Variants in CNTNAP2 observed in about 807,000 individuals in gnomAD.
The protein encoded by CNTNAP2 is contactin associated protein 2.
A neutral mutation model predicts 155.2 loss-of-function variants in CNTNAP2; 98 were observed. That is an observed-to-expected ratio of 0.63 (90% CI 0.54 to 0.75). The LOEUF is 0.75. Among genes scored for constraint, CNTNAP2 ranks in the 30% least tolerant of loss-of-function variants. The probability of loss-of-function intolerance (pLI) is 0.00; values close to 1 mark genes in which losing one functional copy is unlikely to be tolerated. For synonymous variants in CNTNAP2, 651 were observed against 631.2 expected (o/e 1.03, Z -0.47); for missense variants, 1,727 against 1,688.1 (o/e 1.02, Z -0.40).
intron 1 of CNTNAP2, among the ~76,000 whole-genome samples, chr7:146,334,912 A>G (rs1284099874): frequency 6.6e-6 from 1 of 152,146 alleles, no homozygotes; most frequent in Non-Finnish European, 1.5e-5. Flanking sequence ...CACCCCTTCC[A>G]TGCAGGCAAA....
intron 2 of CNTNAP2, among the ~76,000 whole-genome samples, chr7:146,804,176 T>C (rs1370666981): frequency 6.6e-6 from 1 of 152,162 alleles, no homozygotes; most frequent in East Asian, 1.9e-4. Flanking sequence ...GAAGATAAGA[T>C]GCTCCCCTCC....
At chr7:146,641,117 G>A (rs1311109437) in intron 1 of CNTNAP2, among the ~76,000 whole-genome samples, 2 of 152,114 alleles carry the variant, frequency 1.3e-5, no homozygotes, top group Admixed American at 6.5e-5. Context: ...ACAAGGTCAG[G>A]AGATCGAGGC....
At chr7:147,868,880 G>A (rs548487377) in intron 13 of CNTNAP2, among the ~76,000 whole-genome samples, 47 of 152,276 alleles carry the variant, frequency 3.1e-4, no homozygotes, top group African/African-American at 8.4e-4. Context: ...AGTCTGTCAC[G>A]GCTTCCCTTG....
intron 1 of CNTNAP2, among the ~76,000 whole-genome samples, chr7:146,614,855 G>A (rs771916835): frequency 3.9e-5 from 6 of 152,066 alleles, no homozygotes; most frequent in East Asian, 1.9e-4. Context: ...TGTCATTACC[G>A]TATGGATACA....
intron 11 of CNTNAP2, among the ~76,000 whole-genome samples, chr7:147,552,689 C>T (rs1221471182): frequency 3.3e-5 from 5 of 151,878 alleles, no homozygotes. Flanking sequence ...CCACACTGTC[C>T]TTCAACAATG....
At chr7:146,757,517 T>C (rs1802013853) in intron 1 of CNTNAP2, among the ~76,000 whole-genome samples, 1 of 152,164 alleles carries the variant, frequency 6.6e-6, no homozygotes, top group African/African-American at 2.4e-5. Flanking sequence ...TTTCATGACA[T>C]TATAGAATCC....
chr7:147,384,835 AC>A (rs1453841875), intron 9 of CNTNAP2, among the ~76,000 whole-genome samples: 2 of 152,216 alleles, frequency 1.3e-5, no homozygotes, highest in Non-Finnish European at 2.9e-5. Flanking sequence ...CCACTACTGT[AC>A]CCTTCACCCA....
intron 22 of CNTNAP2, among the ~76,000 whole-genome samples, chr7:148,399,905 G>C (rs1172908300): frequency 6.6e-6 from 1 of 152,118 alleles, no homozygotes; most frequent in Non-Finnish European, 1.5e-5. Flanking sequence ...CTGAAGACCT[G>C]AGTCACCAAT....
chr7:146,587,459 T>G (rs116043268), intron 1 of CNTNAP2, among the ~76,000 whole-genome samples: 1 of 152,134 alleles, frequency 6.6e-6, no homozygotes, highest in African/African-American at 2.4e-5. Context: ...GGGCTGCAGC[T>G]TGGCTCTCAG....
At chr7:146,895,883 C>G (rs1047656883) in intron 3 of CNTNAP2, among the ~76,000 whole-genome samples, 2 of 152,030 alleles carry the variant, frequency 1.3e-5, no homozygotes, top group African/African-American at 2.4e-5. Flanking sequence ...GTGGTTGCAA[C>G]TATTCATATG....
At chr7:146,954,024 G>A (rs561085819) in intron 3 of CNTNAP2, among the ~76,000 whole-genome samples, 3 of 151,960 alleles carry the variant, frequency 2.0e-5, no homozygotes, top group African/African-American at 7.2e-5. Context: ...ACCATATAAC[G>A]TGGGTTATAA....
intron 13 of CNTNAP2, among the ~76,000 whole-genome samples, chr7:147,763,524 TA>T (rs1380594996): frequency 6.6e-6 from 1 of 151,578 alleles, no homozygotes; most frequent in East Asian, 1.9e-4. Flanking sequence ...AAAAGAAGAC[TA>T]AAGGTAGAAC....
chr7:147,526,082 C>G (rs1799312905), intron 11 of CNTNAP2, among the ~76,000 whole-genome samples: 2 of 151,238 alleles, frequency 1.3e-5, no homozygotes, highest in African/African-American at 2.4e-5. Context: ...ATCCCAGCTA[C>G]TCGAGAGGCT....
chr7:148,234,950 A>G (rs1353277519), intron 20 of CNTNAP2, among the ~76,000 whole-genome samples: 1 of 152,202 alleles, frequency 6.6e-6, no homozygotes, highest in African/African-American at 2.4e-5. Context: ...GCTTTCATCT[A>G]ACTAGAGGGC....
chr7:147,310,456 AC>A (rs1459941103), intron 9 of CNTNAP2, among the ~76,000 whole-genome samples: 1 of 152,188 alleles, frequency 6.6e-6, no homozygotes, highest in Non-Finnish European at 1.5e-5. Flanking sequence ...TACGGATAAC[AC>A]TAAAGATAAG....
chr7:147,390,746 G>A (rs186441620), intron 9 of CNTNAP2, among the ~76,000 whole-genome samples: 160 of 152,152 alleles, frequency 1.1e-3, no homozygotes, highest in Non-Finnish European at 2.0e-3. Flanking sequence ...GCAACATTCT[G>A]TGTCACACGG....
chr7:146,424,581 T>C (rs1796060841), intron 1 of CNTNAP2, among the ~76,000 whole-genome samples: 1 of 151,470 alleles, frequency 6.6e-6, no homozygotes, highest in African/African-American at 2.5e-5. Context: ...GTATTCAGTA[T>C]AAATTATTTA....
rs113160844 is a variant in CNTNAP2 at position 146,651,731 on chromosome 7, A to G, written c.98-122540A>G. Among the ~76,000 whole-genome samples the G allele has an allele frequency of 6.5e-3, 990 of 152,300 alleles. 8 individuals are homozygous for G. Among genetic ancestry groups the G allele is most frequent in the African/African-American group, 0.022 (921 of 41,574 alleles). On this transcript the variant is annotated intron_variant, in intron 1 of 23. Transcript: ENST00000361727. ...TCACTCCCTTCCTTAGACACTGGCT[A>G]CAAAAACCAATGAACTAATTCATCT...
intron 8 of CNTNAP2, among the ~76,000 whole-genome samples, chr7:147,188,072 T>A (rs1468077711): frequency 6.6e-6 from 1 of 151,696 alleles, no homozygotes; most frequent in Non-Finnish European, 1.5e-5. Context: ...AATAAATAAA[T>A]AAATAAAATG....
Sources: gnomAD v4.1 joint callset for allele counts (sites outside exome capture counted in the v4.1 genomes callset) on GRCh38, gnomAD v4.1.1 for gene constraint, MANE v1.5 for transcripts, NCBI Gene and HGNC (gene_info 2026-07-23, HGNC 2026-07-21) for gene names.